The following KSR1 variants were observed in gnomAD, a reference collection of about 807,000 sequenced individuals.
The protein encoded by KSR1 is kinase suppressor of ras.
In KSR1, 35 loss-of-function variants were observed where a neutral mutation model predicts 92.9. The ratio of observed to expected loss-of-function variants is 0.38; its 90% CI spans 0.29 to 0.50. KSR1 has a LOEUF of 0.50. KSR1 is among the 20% of genes least tolerant of loss of function. The pLI, the probability that KSR1 is intolerant of heterozygous loss-of-function variation, is 0.94. For missense variants in KSR1, 972 were observed against 1,158.5 expected, an observed-to-expected ratio of 0.84 and a Z score of 2.34; for synonymous variants, 467 against 472.6, an observed-to-expected ratio of 0.99 and a Z score of 0.15.
chr17:27,598,457 G>C (rs1366093026), intron 10 of KSR1, among the ~76,000 whole-genome samples: 1 of 152,200 alleles, frequency 6.6e-6, no homozygotes, highest in Non-Finnish European at 1.5e-5. Context: ...TTTGGGGACG[G>C]TGGAGACGGA....
intron 1 of KSR1, among the ~76,000 whole-genome samples, chr17:27,493,366 G>A (rs370841030): frequency 6.6e-5 from 10 of 152,156 alleles, no homozygotes; most frequent in African/African-American, 2.4e-4. Context: ...CAATTCTGAG[G>A]CAAAGGCTGT....
intron 1 of KSR1, among the ~76,000 whole-genome samples, chr17:27,463,418 G>T (rs2019541593): frequency 6.6e-6 from 1 of 151,538 alleles, no homozygotes; most frequent in Non-Finnish European, 1.5e-5. Flanking sequence ...TGAGGTGGAG[G>T]TTGCAGTGAC....
At chr17:27,603,079 G>A (rs1480758936) in intron 11 of KSR1, among the ~76,000 whole-genome samples, 2 of 152,232 alleles carry the variant, frequency 1.3e-5, no homozygotes, top group Non-Finnish European at 2.9e-5. Context: ...GTCCATGGCG[G>A]CCCTGGGGCC....
intron 2 of KSR1, among the ~76,000 whole-genome samples, chr17:27,564,118 A>G (rs759530608): frequency 3.3e-5 from 5 of 150,078 alleles, no homozygotes; most frequent in Admixed American, 1.3e-4. Flanking sequence ...CCTCCCAAGT[A>G]GCTGAGATTA....
chr17:27,499,642 G>A (rs1262147041), intron 1 of KSR1, among the ~76,000 whole-genome samples: 2 of 152,236 alleles, frequency 1.3e-5, no homozygotes, highest in Non-Finnish European at 2.9e-5. Context: ...GTAGGTGGCA[G>A]ACAGCCGGCC....
chr17:27,573,127 A>G (rs1037541950), intron 2 of KSR1, among the ~76,000 whole-genome samples: 17 of 152,256 alleles, frequency 1.1e-4, no homozygotes, highest in African/African-American at 3.9e-4. Flanking sequence ...GATTCTTCCC[A>G]TGGGGTCTCC....
chr17:27,599,298 C>T (rs1431733860), intron 10 of KSR1, among the ~76,000 whole-genome samples: 2 of 152,234 alleles, frequency 1.3e-5, no homozygotes, highest in Non-Finnish European at 2.9e-5. Context: ...TGGCTTATGC[C>T]TGTAATTCCA....
rs188252224 is a variant in KSR1, at chr17:27,566,631, G to C, written c.373-10861G>C. ...TCCACAGCTCCCTGGAGTTGAGTCTGTTTGCTAGACTCTGAGTCCCTGCTT... is the reference window on the plus strand; with the variant it reads ...TCCACAGCTCCCTGGAGTTGAGTCTCTTTGCTAGACTCTGAGTCCCTGCTT... On this transcript the variant is annotated intron_variant, in intron 2 of 20. Transcript: ENST00000644974. 2.3e-5 allele frequency: 9 copies of C among 398,858 alleles called. No individual in the cohort carries two copies. In the Admixed American group the frequency reaches 4.0e-4, roughly 18 times the overall value. The allele number at this position is 398,858 out of a possible 1,614,324, so 24.7% of individuals were successfully genotyped here.
chr17:27,540,802 G>A lies in KSR1; in HGVS notation c.232-9766G>A, dbSNP rs555685583. Among the ~76,000 whole-genome samples the A allele has an allele frequency of 2.3e-4, 35 of 152,370 alleles. No individual in the cohort carries two copies. The East Asian group carries it at 6.6e-3, about 29-fold the overall frequency. On this transcript the variant is annotated intron_variant, in intron 1 of 20. Coordinates refer to ENST00000644974, the MANE Select transcript of KSR1 (RefSeq NM_001394583.1). ...CTCGGAGCTGGGTGCTATGGTCGCT[G>A]CGTGCCTGTGCGTGGAACTGTCAGC...
intron 1 of KSR1, chr17:27,526,430 A>G (rs1292338833): frequency 1.6e-5 from 25 of 1,559,652 alleles, no homozygotes; most frequent in Non-Finnish European, 2.1e-5. Context: ...GAAGCAGGCC[A>G]TTCCTTGGTA....
At chr17:27,578,874 T>C (rs932553071) in intron 3 of KSR1, 1 of 152,194 alleles carries the variant, frequency 6.6e-6, no homozygotes, top group Non-Finnish European at 1.5e-5. Flanking sequence ...GCCACATCGT[T>C]GTAAGAGGTA....
chr17:27,457,186 C>T (rs2150890948), intron 1 of KSR1, among the ~76,000 whole-genome samples: 2 of 152,208 alleles, frequency 1.3e-5, no homozygotes, highest in South Asian at 4.2e-4. Context: ...TGCGGGGCCG[C>T]AGGACTCGTT....
chr17:27,508,153 G>A (rs1376708176), intron 1 of KSR1, among the ~76,000 whole-genome samples: 1 of 152,208 alleles, frequency 6.6e-6, no homozygotes, highest in Admixed American at 6.5e-5. Flanking sequence ...GGGGTCTTGG[G>A]TCAGCAAGTT....
At chr17:27,566,410 A>T (rs1453355709) in intron 2 of KSR1, 1 of 399,304 alleles carries the variant, frequency 2.5e-6, no homozygotes, top group Non-Finnish European at 4.4e-6. Flanking sequence ...GGGACACTGC[A>T]CTGGGGGCCA....
intron 1 of KSR1, among the ~76,000 whole-genome samples, chr17:27,510,940 C>T (rs1482174322): frequency 6.6e-6 from 1 of 152,190 alleles, no homozygotes; most frequent in Non-Finnish European, 1.5e-5. Context: ...GTTCCCCATT[C>T]CTTGATTCTC....
Position 27,604,710 on chromosome 17 carries a change from G to A in KSR1, c.1596G>A (p.Leu532=), listed in dbSNP as rs1428636015. The A allele has an allele frequency of 1.9e-6, 3 of 1,614,042 alleles. No homozygotes were observed. Among genetic ancestry groups the A allele is most frequent in the Admixed American group, 3.3e-5 (2 of 60,036 alleles). Residue 532 remains leucine (L), a synonymous_variant, in exon 13 of 21, where the codon TTG becomes TTA. Transcript: ENST00000644974. ...RLDDQPKADV[L]EAHEAEAEEP... is the part of the protein sequence containing the mutation. ...ATGACCAGCCGAAAGCAGATGTGTT[G>A]GAAGCTCACGAAGCGGAGGTGAGGG...
At chr17:27,609,476 C>G in intron 16 of KSR1, 147 bp downstream of exon 16, 1 of 1,061,662 alleles carries the variant, frequency 9.4e-7, no homozygotes, top group East Asian at 2.4e-5. Flanking sequence ...CCTCGTAGTT[C>G]TGGTTCAGAA....
At chr17:27,460,028 G>A (rs1473403619) in intron 1 of KSR1, among the ~76,000 whole-genome samples, 1 of 152,138 alleles carries the variant, frequency 6.6e-6, no homozygotes, top group Non-Finnish European at 1.5e-5. Flanking sequence ...TATAAAGGGA[G>A]GGAGGCACAA....
intron 1 of KSR1, chr17:27,526,460 C>T (rs1469593456): frequency 6.3e-7 from 1 of 1,578,874 alleles, no homozygotes; most frequent in East Asian, 2.2e-5. Context: ...AGTTTTTTTT[C>T]CCAATACATC....
Sources: allele counts gnomAD v4.1 joint callset (sites outside exome capture counted in the v4.1 genomes callset), GRCh38; gene constraint gnomAD v4.1.1; transcripts MANE v1.5; gene names NCBI Gene and HGNC (gene_info 2026-07-23, HGNC 2026-07-21).